Variants in MARCHF1 observed in about 807,000 individuals in gnomAD.
MARCHF1 encodes the protein membrane associated ring-CH-type finger 1.
A neutral mutation model predicts 54.2 loss-of-function variants in MARCHF1; 40 were observed. That is an observed-to-expected ratio of 0.74 (90% CI 0.57 to 0.96). The LOEUF (loss-of-function observed/expected upper bound fraction) is 0.96. Among genes scored for constraint, MARCHF1 ranks in the 40% least tolerant of loss-of-function variants. MARCHF1 has a pLI of 0.00. For synonymous variants in MARCHF1, 236 were observed against 236.3 expected (o/e 1.00, Z 0.01); for missense variants, 586 against 656.5 (o/e 0.89, Z 1.17).
At chr4:163,577,114 G>A (rs1485115970) in intron 8 of MARCHF1, among the ~76,000 whole-genome samples, 1 of 151,974 alleles carries the variant, frequency 6.6e-6, no homozygotes, top group East Asian at 1.9e-4. Flanking sequence ...ATGGTTAGCT[G>A]GTTGCTTTGT....
At chr4:164,045,647 T>C (rs571990468) in intron 2 of MARCHF1, among the ~76,000 whole-genome samples, 73 of 150,348 alleles carry the variant, frequency 4.9e-4, no homozygotes, top group African/African-American at 1.7e-3. Flanking sequence ...GGAGAAATCA[T>C]GGCAATATAG....
At chr4:164,010,808 G>T (rs1471023225) in intron 2 of MARCHF1, among the ~76,000 whole-genome samples, 1 of 151,906 alleles carries the variant, frequency 6.6e-6, no homozygotes, top group Admixed American at 6.6e-5. Context: ...AATAGCCAAA[G>T]CAATCCAGAG....
At chr4:164,266,546 A>T (rs1733615729) in intron 1 of MARCHF1, among the ~76,000 whole-genome samples, 1 of 152,146 alleles carries the variant, frequency 6.6e-6, no homozygotes, top group Non-Finnish European at 1.5e-5. Context: ...TCCACATTCA[A>T]CACTATCATG....
chr4:163,727,612 A>AT (rs1413958115), intron 4 of MARCHF1, among the ~76,000 whole-genome samples: 3 of 126,230 alleles, frequency 2.4e-5, no homozygotes, highest in South Asian at 5.2e-4. Flanking sequence ...GCCCTAAATT[A>AT]ATTTTTTTTT....
At chr4:163,969,782 T>C (rs1209735197) in intron 3 of MARCHF1, among the ~76,000 whole-genome samples, 2 of 152,196 alleles carry the variant, frequency 1.3e-5, no homozygotes, top group Non-Finnish European at 2.9e-5. Context: ...CAGTAGAAAT[T>C]TGAAATGGTA....
intron 3 of MARCHF1, among the ~76,000 whole-genome samples, chr4:163,918,498 C>T (rs1392869748): frequency 6.6e-6 from 1 of 151,950 alleles, no homozygotes. Context: ...TGAAAAGAAG[C>T]ATTAATTGTG....
intron 3 of MARCHF1, among the ~76,000 whole-genome samples, chr4:163,859,517 A>T (rs1298695459): frequency 1.3e-5 from 2 of 151,490 alleles, no homozygotes; most frequent in African/African-American, 2.4e-5. Context: ...CTGCCACCAC[A>T]CCCGGGTAAT....
At chr4:164,363,819 G>A (rs1220093768) in intron 1 of MARCHF1, among the ~76,000 whole-genome samples, 1 of 150,574 alleles carries the variant, frequency 6.6e-6, no homozygotes, top group East Asian at 2.0e-4. Context: ...TACATCACAT[G>A]CCACCTCATT....
intron 4 of MARCHF1, among the ~76,000 whole-genome samples, chr4:163,705,661 G>A (rs903323833): frequency 6.6e-6 from 1 of 151,678 alleles, no homozygotes; most frequent in African/African-American, 2.4e-5. Context: ...AGTAAAACAA[G>A]AATTGAAGGA....
intron 4 of MARCHF1, among the ~76,000 whole-genome samples, chr4:163,825,289 C>T (rs992712451): frequency 6.6e-6 from 1 of 152,016 alleles, no homozygotes; most frequent in African/African-American, 2.4e-5. Flanking sequence ...CTTTTAATGG[C>T]TGCATAGTAT....
intron 1 of MARCHF1, among the ~76,000 whole-genome samples, chr4:164,365,912 C>T (rs536142783): frequency 1.3e-4 from 20 of 152,124 alleles, no homozygotes; most frequent in African/African-American, 4.8e-4. Flanking sequence ...TCTCCCCCTC[C>T]TCCTATCCTT....
chr4:164,110,426 G>T (rs1755810273), intron 2 of MARCHF1, among the ~76,000 whole-genome samples: 1 of 151,524 alleles, frequency 6.6e-6, no homozygotes, highest in African/African-American at 2.4e-5. Context: ...CCAATTTCAA[G>T]ATTTTTTTGA....
intron 1 of MARCHF1, among the ~76,000 whole-genome samples, chr4:164,222,237 A>G (rs1162687100): frequency 2.0e-5 from 3 of 148,476 alleles, no homozygotes; most frequent in Non-Finnish European, 4.5e-5. Context: ...TTTTTTTTTT[A>G]GAATAACAAT....
chr4:164,100,794 G>A (rs552597703), intron 2 of MARCHF1, among the ~76,000 whole-genome samples: 164 of 152,318 alleles, frequency 1.1e-3, no homozygotes, highest in African/African-American at 3.8e-3. Context: ...CCGGTCTACA[G>A]CTCCCAGCTT....
chr4:163,769,075 G>A (rs1747075658), intron 4 of MARCHF1, among the ~76,000 whole-genome samples: 1 of 152,124 alleles, frequency 6.6e-6, no homozygotes. Context: ...GGTCTCTGCT[G>A]TGCTTTTTAA....
chr4:164,359,389 A>G (rs542757625), intron 1 of MARCHF1, among the ~76,000 whole-genome samples: 10 of 152,244 alleles, frequency 6.6e-5, no homozygotes, highest in African/African-American at 2.4e-4. Flanking sequence ...TCCTTCCATC[A>G]AGCTACTATT....
chr4:164,197,753 A>C, intron 1 of MARCHF1: 1 of 1,610,532 alleles, frequency 6.2e-7, no homozygotes, highest in Non-Finnish European at 8.5e-7. Flanking sequence ...TGCCAGCCGA[A>C]TTCAATCAAT....
At chr4:164,145,740 C>T (rs1729669771) in intron 1 of MARCHF1, among the ~76,000 whole-genome samples, 1 of 146,632 alleles carries the variant, frequency 6.8e-6, no homozygotes, top group Admixed American at 6.9e-5. Context: ...AAACTGGAAG[C>T]ATTCCCTTTG....
intron 5 of MARCHF1, among the ~76,000 whole-genome samples, chr4:163,664,289 T>C (rs1019311329): frequency 1.3e-5 from 2 of 152,074 alleles, no homozygotes; most frequent in African/African-American, 4.8e-5. Context: ...CCCAGATGTA[T>C]ACAGAAGATC....
Sources: gnomAD v4.1 joint callset for allele counts (sites outside exome capture counted in the v4.1 genomes callset) on GRCh38, gnomAD v4.1.1 for gene constraint, MANE v1.5 for transcripts, NCBI Gene and HGNC (gene_info 2026-07-23, HGNC 2026-07-21) for gene names.